The following DLGAP1 variants were observed in gnomAD, a reference collection of about 807,000 sequenced individuals.
DLGAP1 encodes DLG associated protein 1.
A neutral mutation model predicts 90.8 loss-of-function variants in DLGAP1; 11 were observed. That is an observed-to-expected ratio of 0.12 (90% CI 0.08 to 0.20). The LOEUF (loss-of-function observed/expected upper bound fraction) is 0.20, where lower values mean the gene tolerates loss of function less well. Among genes scored for constraint, DLGAP1 ranks in the 10% least tolerant of loss-of-function variants. The pLI is 1.00. For missense variants in DLGAP1, 1,050 were observed against 1,333.8 expected (o/e 0.79, Z 3.31); for synonymous variants, 558 against 540.7 (o/e 1.03, Z -0.44).
chr18:3,615,594 C>T (rs957816011), intron 7 of DLGAP1, among the ~76,000 whole-genome samples: 1 of 152,064 alleles, frequency 6.6e-6, no homozygotes, highest in African/African-American at 2.4e-5. Context: ...AAAATGGAGC[C>T]GATGGAGATG....
intron 1 of DLGAP1, chr18:4,280,766 A>G (rs1056633549): frequency 1.3e-5 from 2 of 152,226 alleles, no homozygotes; most frequent in African/African-American, 4.8e-5. Context: ...CCAATTATGA[A>G]GTAAGCAACG....
At position 4,383,140 on chromosome 18, in the gene DLGAP1, G is replaced by C. The variant is rs1184331002; in HGVS notation, c.-267+71866C>G. Reference sequence around the variant, plus strand: ...ATTACCTTCACTCCTTTTTACAAAAGCTAAATGTCCTAAGAATTACTGCAT... The same window carrying C: ...ATTACCTTCACTCCTTTTTACAAAACCTAAATGTCCTAAGAATTACTGCAT... On this transcript the variant is annotated intron_variant, in intron 1 of 12. Transcript: ENST00000315677. The surrounding 1 kb of genome is among the most constrained non-coding windows in gnomAD (Gnocchi z 4.0). Among the ~76,000 whole-genome samples, 1 of 152,092 alleles carries C rather than the reference G, an allele frequency of 6.6e-6. No individual in the cohort carries two copies. Among genetic ancestry groups the C allele is most frequent in the African/African-American group, 2.4e-5 (1 of 41,402 alleles).
At chr18:4,438,234 C>T (rs1043171002) in intron 1 of DLGAP1, among the ~76,000 whole-genome samples, 5 of 151,848 alleles carry the variant, frequency 3.3e-5, no homozygotes, top group East Asian at 1.9e-4. Flanking sequence ...TGGTGCATGG[C>T]GAATAAGGAA....
intron 1 of DLGAP1, among the ~76,000 whole-genome samples, chr18:4,435,514 A>C (rs892999535): frequency 6.6e-6 from 1 of 152,172 alleles, no homozygotes; most frequent in Admixed American, 6.5e-5. Context: ...GGAAACGGAA[A>C]TAGAAAGTTA....
chr18:4,086,399 C>T (rs540174126), intron 2 of DLGAP1, among the ~76,000 whole-genome samples: 5 of 152,292 alleles, frequency 3.3e-5, no homozygotes, highest in African/African-American at 1.2e-4. Context: ...CTTTAGCTAA[C>T]TAAGTTGACT....
At chr18:3,656,626 T>G (rs2059493408) in intron 7 of DLGAP1, among the ~76,000 whole-genome samples, 1 of 152,200 alleles carries the variant, frequency 6.6e-6, no homozygotes, top group Admixed American at 6.5e-5. Flanking sequence ...TCTGATGGGT[T>G]TAGATTTCAG....
chr18:4,420,374 C>T (rs537553864), intron 1 of DLGAP1, among the ~76,000 whole-genome samples: 50 of 137,228 alleles, frequency 3.6e-4, no homozygotes, highest in Non-Finnish European at 6.8e-4. Flanking sequence ...CAGCAGAATA[C>T]ACAATCTTTT....
intron 1 of DLGAP1, among the ~76,000 whole-genome samples, chr18:4,217,011 A>G (rs1001446063): frequency 6.6e-6 from 1 of 152,020 alleles, no homozygotes; most frequent in African/African-American, 2.4e-5. Flanking sequence ...ACTGCCCTAA[A>G]TATCTCCTGT....
At chr18:3,739,384 C>T (rs1394793257) in intron 6 of DLGAP1, among the ~76,000 whole-genome samples, 1 of 145,060 alleles carries the variant, frequency 6.9e-6, no homozygotes, top group Admixed American at 6.9e-5. Context: ...CCCAAATGTC[C>T]AACAATGATA....
At chr18:3,847,084 G>C (rs897465135) in intron 4 of DLGAP1, among the ~76,000 whole-genome samples, 1 of 152,136 alleles carries the variant, frequency 6.6e-6, no homozygotes, top group African/African-American at 2.4e-5. Flanking sequence ...TAAAGGGCTT[G>C]CATGTCTATT....
intron 1 of DLGAP1, among the ~76,000 whole-genome samples, chr18:4,188,775 T>C (rs1393939090): frequency 6.6e-6 from 1 of 152,212 alleles, no homozygotes; most frequent in Non-Finnish European, 1.5e-5. Flanking sequence ...GCAATAAACA[T>C]ACGTGTGCAT....
intron 5 of DLGAP1, among the ~76,000 whole-genome samples, chr18:3,794,817 A>C (rs528289880): frequency 5.3e-5 from 8 of 152,328 alleles, no homozygotes; most frequent in Non-Finnish European, 1.2e-4. Context: ...TTCTCAGCAC[A>C]TAGGATCTGG....
intron 7 of DLGAP1, among the ~76,000 whole-genome samples, chr18:3,693,398 A>AAAC (rs2060967087): frequency 6.6e-6 from 1 of 152,204 alleles, no homozygotes; most frequent in African/African-American, 2.4e-5. Context: ...GTCTGGCCAC[A>AAAC]AACTACATCT....
chr18:4,341,574 A>G (rs1474163028), intron 1 of DLGAP1, among the ~76,000 whole-genome samples: 7 of 152,302 alleles, frequency 4.6e-5, no homozygotes, highest in Non-Finnish European at 1.0e-4. Flanking sequence ...CCTGGGGTAC[A>G]CTAAGAGTAT....
At chr18:4,009,831 G>A (rs142881883) in intron 2 of DLGAP1, among the ~76,000 whole-genome samples, 228 of 152,292 alleles carry the variant, frequency 1.5e-3, no homozygotes, top group African/African-American at 5.1e-3. Flanking sequence ...TCTCCTCACC[G>A]GACCAAGGGA....
intron 3 of DLGAP1, among the ~76,000 whole-genome samples, chr18:3,958,809 C>T (rs971456367): frequency 1.3e-5 from 2 of 152,282 alleles, no homozygotes; most frequent in African/African-American, 2.4e-5. Context: ...AGGTGAGCAT[C>T]GTCCTCCCGT....
intron 1 of DLGAP1, among the ~76,000 whole-genome samples, chr18:4,413,317 C>T (rs1210734967): frequency 2.6e-5 from 4 of 152,108 alleles, no homozygotes; most frequent in African/African-American, 9.7e-5. Context: ...CAAGTGGATC[C>T]CAACAGCCCG....
chr18:4,269,376 C>T (rs1171735960), intron 1 of DLGAP1, among the ~76,000 whole-genome samples: 4 of 131,186 alleles, frequency 3.0e-5, no homozygotes, highest in African/African-American at 5.5e-5. Flanking sequence ...CTTTTTGAGA[C>T]GGAGTCTTGC....
At chr18:4,076,477 C>A (rs1401081253) in intron 2 of DLGAP1, among the ~76,000 whole-genome samples, 1 of 152,128 alleles carries the variant, frequency 6.6e-6, no homozygotes, top group African/African-American at 2.4e-5. Context: ...AAAGGGTTTG[C>A]ATCCTATATT....
Sources: allele counts gnomAD v4.1 joint callset (sites outside exome capture counted in the v4.1 genomes callset), GRCh38; gene constraint gnomAD v4.1.1; non-coding constraint Gnocchi (gnomAD v3.1); transcripts MANE v1.5; gene names NCBI Gene and HGNC (gene_info 2026-07-23, HGNC 2026-07-21).